The following OPRM1 variants were observed in gnomAD, a reference collection of about 807,000 sequenced individuals.
OPRM1 encodes mu-type opioid receptor.
In OPRM1, 27 loss-of-function variants were observed where a neutral mutation model predicts 31.8. The observed-to-expected ratio is 0.85, with a 90% CI of 0.63 to 1.17. The LOEUF (loss-of-function observed/expected upper bound fraction) is 1.17. Among genes scored for constraint, OPRM1 ranks in the 50% most tolerant of loss-of-function variants. The pLI is 0.00. For synonymous variants in OPRM1, 196 were observed against 189.9 expected, an observed-to-expected ratio of 1.03 and a Z score of -0.26; for missense variants, 536 against 511.1, an observed-to-expected ratio of 1.05 and a Z score of -0.47.
intron 1 of OPRM1, among the ~76,000 whole-genome samples, chr6:154,080,404 C>T (rs1788822132): frequency 6.6e-6 from 1 of 152,180 alleles, no homozygotes; most frequent in Non-Finnish European, 1.5e-5. Context: ...CAGCTATAGT[C>T]AGACGAGAAT....
intron 3 of OPRM1, among the ~76,000 whole-genome samples, chr6:154,179,137 G>C (rs1295349771): frequency 6.6e-6 from 1 of 152,114 alleles, no homozygotes; most frequent in East Asian, 1.9e-4. Flanking sequence ...AGTGGAAGCA[G>C]GTGATAAGTA....
intron 3 of OPRM1, among the ~76,000 whole-genome samples, chr6:154,109,512 G>A (rs1336092463): frequency 6.6e-6 from 1 of 152,164 alleles, no homozygotes; most frequent in Non-Finnish European, 1.5e-5. Context: ...ACATGAAAAG[G>A]ACACTGAGAT....
chr6:154,221,418 T>C, intron 3 of OPRM1: 4 of 934,414 alleles, frequency 4.3e-6, no homozygotes, highest in Non-Finnish European at 6.7e-6. Flanking sequence ...ACAAGCTTTG[T>C]AAACTTGTCT....
intron 3 of OPRM1, among the ~76,000 whole-genome samples, chr6:154,231,882 A>C (rs899996934): frequency 6.6e-6 from 1 of 152,244 alleles, no homozygotes; most frequent in Non-Finnish European, 1.5e-5. Context: ...ATTAAAAACA[A>C]ATAGAAACAA....
At chr6:154,214,229 G>C in intron 3 of OPRM1, 2 of 1,604,270 alleles carry the variant, frequency 1.2e-6, no homozygotes, top group Non-Finnish European at 1.7e-6. Context: ...TTCATCCTTT[G>C]TAGTGGATTC....
In OPRM1 at chr6:154,028,713, C is replaced by T. The variant is rs112076545; in HGVS notation, c.1-10448C>T. ...TGGGCAGGCATCAACTGAGTTGGTCCGGTTCTGTTTTCTGTTATAATAGGA... is the reference window on the plus strand; with the variant it reads ...TGGGCAGGCATCAACTGAGTTGGTCTGGTTCTGTTTTCTGTTATAATAGGA... On this transcript the variant is annotated intron_variant, in intron 1 of 5. Coordinates refer to the OPRM1 transcript ENST00000434900. Among the ~76,000 whole-genome samples the T allele has an allele frequency of 9.6e-3, 1,460 of 152,210 alleles. 14 individuals carry two copies. The highest frequency in any genetic ancestry group is 0.03 in the African/African-American group (1,227 of 41,528).
intron 3 of OPRM1, among the ~76,000 whole-genome samples, chr6:154,094,602 G>T (rs1189787979): frequency 6.6e-6 from 1 of 152,150 alleles, no homozygotes; most frequent in Non-Finnish European, 1.5e-5. Context: ...AGAATGACTA[G>T]CTCCACATGG....
intron 3 of OPRM1, among the ~76,000 whole-genome samples, chr6:154,174,336 T>C (rs1357201364): frequency 6.6e-6 from 1 of 152,136 alleles, no homozygotes; most frequent in Non-Finnish European, 1.5e-5. Context: ...TAACCTTAAA[T>C]GTAAATGGGC....
At position 154,127,498 on chromosome 6, in the gene OPRM1, G is replaced by A. The variant is rs867073742; in HGVS notation, c.*8777G>A. 1.3e-4 allele frequency among the ~76,000 whole-genome samples: 20 copies of A among 152,222 alleles called. No homozygotes were observed. The highest frequency in any genetic ancestry group is 3.4e-3 in the Middle Eastern group (1 of 294). On this transcript the variant is annotated 3_prime_UTR_variant, in exon 4 of 4. Transcript: ENST00000330432. ...CGTTTTACTTGTCCCTGAAATGTTT[G>A]TCATCACACAGATACACGCTCAGGA...
At chr6:154,181,625 C>A (rs1175840300) in intron 3 of OPRM1, among the ~76,000 whole-genome samples, 1 of 152,184 alleles carries the variant, frequency 6.6e-6, no homozygotes, top group African/African-American at 2.4e-5. Context: ...AGGCTCAGAT[C>A]CCTGCTTGAA....
At chr6:154,087,256 T>C in intron 1 of OPRM1, 1 of 985,468 alleles carries the variant, frequency 1.0e-6, no homozygotes, top group Non-Finnish European at 1.2e-6. Context: ...CTATTGACCC[T>C]GAGGAGATTT....
At chr6:154,081,849 G>C (rs143110616) in intron 1 of OPRM1, among the ~76,000 whole-genome samples, 7 of 152,178 alleles carry the variant, frequency 4.6e-5, no homozygotes, top group Non-Finnish European at 1.0e-4. Context: ...TCAAATACTT[G>C]TAACTCTGTG....
intron 3 of OPRM1, among the ~76,000 whole-genome samples, chr6:154,206,204 C>T (rs1300905947): frequency 1.3e-5 from 2 of 152,196 alleles, no homozygotes; most frequent in African/African-American, 2.4e-5. Context: ...AAGCAGCTTG[C>T]AAATGCTACT....
chr6:154,099,885 CATATTAT>C (rs1335764009), intron 3 of OPRM1, among the ~76,000 whole-genome samples: 2 of 142,384 alleles, frequency 1.4e-5, no homozygotes, highest in East Asian at 4.2e-4. Context: ...TATATCATAA[CATATTAT>C]ATATTATATT....
At chr6:154,086,436 AATTG>A (rs1790590199) in intron 1 of OPRM1, 1 of 331,336 alleles carries the variant, frequency 3.0e-6, no homozygotes, top group Admixed American at 6.5e-5. Flanking sequence ...TTTTTTGGTA[AATTG>A]ATGATAAAAT....
In OPRM1 at chr6:154,151,236, G is replaced by A. The variant is rs559560146; in HGVS notation, c.1164+59764G>A. The stretch of plus-strand genomic sequence containing the variant: ...GCAAAGCCTGAGAAATGGAGTCTTG[G>A]GACCGTGATTTATTGAAGGAATGCT... On this transcript the variant is annotated intron_variant, in intron 3 of 3. Transcript: ENST00000337049. Among the ~76,000 whole-genome samples the A allele has an allele frequency of 2.6e-5, 4 of 152,332 alleles. No individual in the cohort carries two copies. The South Asian group carries it at 8.3e-4, about 32-fold the overall frequency.
At chr6:154,205,483 T>C (rs1777415806) in intron 3 of OPRM1, among the ~76,000 whole-genome samples, 1 of 152,046 alleles carries the variant, frequency 6.6e-6, no homozygotes, top group African/African-American at 2.4e-5. Context: ...TAATCCCAGC[T>C]ACTTGGGAGG....
upstream of OPRM1, chr6:154,039,009 G>T: frequency 1.2e-6 from 1 of 857,252 alleles, no homozygotes; most frequent in Non-Finnish European, 1.7e-6. Flanking sequence ...GGCTGTTAGG[G>T]TTTCATCAAG....
chr6:154,229,354 T>G (rs1023435586), intron 3 of OPRM1, among the ~76,000 whole-genome samples: 1 of 147,600 alleles, frequency 6.8e-6, no homozygotes, highest in Non-Finnish European at 1.5e-5. Flanking sequence ...CGGTTTTTTT[T>G]TTTTTTTTTT....
Sources: gnomAD v4.1 joint callset for allele counts (sites outside exome capture counted in the v4.1 genomes callset) on GRCh38, gnomAD v4.1.1 for gene constraint, MANE v1.5 for transcripts, NCBI Gene and HGNC (gene_info 2026-07-23, HGNC 2026-07-21) for gene names.